The following BEGAIN variants were observed in gnomAD, a reference collection of about 807,000 sequenced individuals.
The protein encoded by BEGAIN is brain-enriched guanylate kinase-associated protein.
Under a neutral mutation model 35.8 loss-of-function variants are expected in BEGAIN, and 19 were observed. The ratio of observed to expected loss-of-function variants is 0.53; its 90% CI spans 0.37 to 0.78. The LOEUF is 0.78. Ranked by LOEUF, BEGAIN falls within the 30% of genes least tolerant of loss-of-function variation. The pLI is 0.00. For missense variants in BEGAIN, 795 were observed against 853.6 expected (o/e 0.93, Z 0.85); for synonymous variants, 462 against 388.6 (o/e 1.19, Z -2.22).
In BEGAIN at chr14:100,539,333, AG is replaced by A; in HGVS notation, c.493-19del. On this transcript the variant is annotated intron_variant, in intron 6 of 6. Transcript: ENST00000554140. ...GAGGGCAGCTGGAACGGGTGCGAGG[AG>A]GGGGACGGCGGGTACAGGGTCACTG... is the stretch of plus-strand genomic sequence containing the variant. The A allele has an allele frequency of 1.3e-6, 2 of 1,534,200 alleles. No homozygotes were observed.
Position 100,540,602 on chromosome 14 carries a change from T to G in BEGAIN, c.409-23A>C, listed in dbSNP as rs757351522. 4 of 1,568,346 alleles carry G rather than the reference T, an allele frequency of 2.6e-6. No homozygotes were observed. The African/African-American group carries it at 5.4e-5, about 21-fold the overall frequency. ...CTCCTAAAAGACAAGAGAAGGCGTT[T>G]GGCGCCATTCACCCCAGCCAAGGCC... On this transcript the variant is annotated intron_variant, in intron 5 of 6. Coordinates refer to ENST00000554140, the MANE Select transcript of BEGAIN (RefSeq NM_001385089.1).
intron 1 of BEGAIN, among the ~76,000 whole-genome samples, chr14:100,582,678 T>C (rs2035346008): frequency 6.6e-6 from 1 of 152,076 alleles, no homozygotes. Context: ...TCCAGGGAGA[T>C]CCCTGGGCAA....
In BEGAIN at chr14:100,560,017, ATC is replaced by A. The variant is rs139912926; in HGVS notation, c.71+7892_71+7893del. Reference sequence around the variant, plus strand: ...CTTTAGTGGTGTCTAGGATCCCCCAATCTCTGCACCAGCCGCGGGGGGCTGAG... The same window carrying A: ...CTTTAGTGGTGTCTAGGATCCCCCAATCTGCACCAGCCGCGGGGGGCTGAG... On this transcript the variant is annotated intron_variant, in intron 2 of 6. Coordinates refer to ENST00000554140, the MANE Select transcript of BEGAIN (RefSeq NM_001385089.1). Among the ~76,000 whole-genome samples, 334 of 152,212 alleles carry A rather than the reference ATC, an allele frequency of 2.2e-3. 9 individuals carry two copies. In the East Asian group the frequency reaches 0.036, roughly 16 times the overall value.
intron 2 of BEGAIN, among the ~76,000 whole-genome samples, chr14:100,553,845 CAAGACAGCCAGAGGGCGCGTCCA>C (rs1262616426): frequency 6.6e-6 from 1 of 152,226 alleles, no homozygotes; most frequent in African/African-American, 2.4e-5. Context: ...GCCCACTCCA[CAAGACAGCCAGAGGGCGCGTCCA>C]AACAGGTGGG....
Position 100,568,155 on chromosome 14 carries a change from C to A in BEGAIN, c.43-216G>T, listed in dbSNP as rs1474858695. On this transcript the variant is annotated intron_variant, in intron 1 of 6. Coordinates refer to ENST00000554140, the MANE Select transcript of BEGAIN (RefSeq NM_001385089.1). The surrounding 1 kb of genome is among the most constrained non-coding windows in gnomAD (Gnocchi z 7.5). ...CGGCCGAGTAACAGGTGAGCCCGCC[C>A]GGGCCGCCGCGCTCCCCGCACCGAG... The A allele has an allele frequency of 1.8e-5, 17 of 930,896 alleles. No homozygotes were observed. Among genetic ancestry groups the A allele is most frequent in the Non-Finnish European group, 2.2e-5 (17 of 776,230 alleles). The allele number at this position is 930,896 out of a possible 1,614,324, so 57.7% of individuals were successfully genotyped here.
rs768145565 is a variant in BEGAIN at position 100,546,677 on chromosome 14, C to A, written c.72-15G>T. ...CCTGCAGCGCGCTGCAACGACATGG[C>A]GGCGGCGGGCCGGGCCGCGGCGCTG... On this transcript the variant is annotated splice_polypyrimidine_tract_variant and intron_variant, in intron 2 of 6. Transcript: ENST00000554140. The A allele has an allele frequency of 1.9e-6, 3 of 1,540,186 alleles. No individual in the cohort carries two copies. Among genetic ancestry groups the A allele is most frequent in the Admixed American group, 1.9e-5 (1 of 52,522 alleles).
At chr14:100,544,368 C>T (rs530080249) in intron 4 of BEGAIN, among the ~76,000 whole-genome samples, 196 of 152,316 alleles carry the variant, frequency 1.3e-3, no homozygotes, top group African/African-American at 4.7e-3. Flanking sequence ...GCCCAGCCCC[C>T]AGGCCTGCCA....
chr14:100,542,614 G>A (rs771250905), intron 5 of BEGAIN, among the ~76,000 whole-genome samples: 1 of 152,240 alleles, frequency 6.6e-6, no homozygotes, highest in African/African-American at 2.4e-5. Context: ...TCTGAATCCT[G>A]TAGCTGGGTT....
At chr14:100,553,056 AG>A (rs1198337960) in intron 2 of BEGAIN, among the ~76,000 whole-genome samples, 1 of 152,162 alleles carries the variant, frequency 6.6e-6, no homozygotes, top group Non-Finnish European at 1.5e-5. Flanking sequence ...CCGTGCCTCC[AG>A]GGCACATCTC....
chr14:100,551,840 G>T (rs2033234321), intron 2 of BEGAIN, among the ~76,000 whole-genome samples: 1 of 152,164 alleles, frequency 6.6e-6, no homozygotes. Context: ...AAGTGGGCGG[G>T]GGTCTGATGC....
chr14:100,538,792 G>T lies in BEGAIN; in HGVS notation c.1016C>A (p.Ala339Glu). 6.3e-7 allele frequency: 1 copy of T among 1,597,418 alleles called. No homozygotes were observed. The highest frequency in any genetic ancestry group is 1.8e-5 in the Admixed American group (1 of 56,912). ...GTTCAGGTAGATGGCCTGCTGCGAC[G>T]CGGTCAGCGTGCTGGCCTGCGCGTG... The part of the protein sequence containing the change: ...KEHAQASTLT[A>E]SQQAIYLNSR... The change falls in exon 7 of 7, where the codon GCG (alanine) becomes GAG (glutamate). Residue 339 changes from alanine (A) to glutamate (E), a missense_variant. Ala to Glu is a moderately radical substitution (Grantham distance 107). Coordinates refer to ENST00000554140, the MANE Select transcript of BEGAIN (RefSeq NM_001385089.1).
chr14:100,565,988 C>T (rs982550909), intron 2 of BEGAIN, among the ~76,000 whole-genome samples: 1 of 152,252 alleles, frequency 6.6e-6, no homozygotes, highest in African/African-American at 2.4e-5. Flanking sequence ...GCACCAAATG[C>T]AGGACAGAAA....
At chr14:100,555,781 C>T (rs551165449) in intron 2 of BEGAIN, among the ~76,000 whole-genome samples, 4 of 152,332 alleles carry the variant, frequency 2.6e-5, no homozygotes, top group South Asian at 2.1e-4. Context: ...ACGGTGGCCC[C>T]GGAGTCCAAC....
Position 100,538,842 on chromosome 14 carries a change from G to A in BEGAIN, c.966C>T (p.Phe322=), listed in dbSNP as rs1024781945. The A allele has an allele frequency of 5.0e-6, 8 of 1,606,246 alleles. No individual in the cohort carries two copies. The African/African-American group carries it at 1.1e-4, about 21-fold the overall frequency. ...GCTCCTTCTCCTCCGACGTGGCGCTGAAGCTGGAGTAGGAGCTGGACGTGG... is the reference window on the plus strand; with the variant it reads ...GCTCCTTCTCCTCCGACGTGGCGCTAAAGCTGGAGTAGGAGCTGGACGTGG... ...SLPTSSSYSS[F]SATSEEKEHA... Residue 322 remains phenylalanine (F), a synonymous_variant, in exon 7 of 7, where the codon TTC becomes TTT. Coordinates refer to ENST00000554140, the MANE Select transcript of BEGAIN (RefSeq NM_001385089.1).
rs2033920119 is a variant in BEGAIN at position 100,558,104 on chromosome 14, C to G, written c.71+9807G>C. ...TTTTCCCTCGCTTCCTGGTCATTCT[C>G]TGGCAGGCAAACTCGTGGTTGCTCT... On this transcript the variant is annotated intron_variant, in intron 2 of 6. Transcript: ENST00000554140. The surrounding 1 kb of genome is among the most constrained non-coding windows in gnomAD (Gnocchi z 4.6). Among the ~76,000 whole-genome samples, 1 of 152,192 alleles carries G rather than the reference C, an allele frequency of 6.6e-6. No individual in the cohort carries two copies. Among genetic ancestry groups the G allele is most frequent in the East Asian group, 1.9e-4 (1 of 5,190 alleles).
intron 5 of BEGAIN, 23 bp from the exon 6 acceptor site, chr14:100,540,602 T>C: frequency 6.4e-7 from 1 of 1,568,464 alleles, no homozygotes; most frequent in Non-Finnish European, 8.7e-7. Flanking sequence ...AGAAGGCGTT[T>C]GGCGCCATTC....
rs573360272 is a variant in BEGAIN, at chr14:100,572,252, A to G, written c.43-4313T>C. Among the ~76,000 whole-genome samples, 3 of 152,292 alleles carry G rather than the reference A, an allele frequency of 2.0e-5. No homozygotes were observed. The East Asian group carries it at 5.8e-4, about 29-fold the overall frequency. ...GTGGGTCAGTCCTGCTGTGGCCCCC[A>G]TAATGGAGCACATAAATCCTCTGCC... On this transcript the variant is annotated intron_variant, in intron 1 of 6. Transcript: ENST00000554140.
Position 100,538,884 on chromosome 14 carries a change from G to C in BEGAIN, c.924C>G (p.Ser308Arg). 6.2e-7 allele frequency: 1 copy of C among 1,607,948 alleles called. No individual in the cohort carries two copies. The highest frequency in any genetic ancestry group is 8.5e-7 in the Non-Finnish European group (1 of 1,178,458). ...TGGACGTGGGCAGTGAGCCTGCGTA[G>C]CTGGGGAAGGCCTCATGCTGGAAGC... is the stretch of plus-strand genomic sequence containing the variant. ...PAGFQHEAFPSYAGSLPTSSS... is the reference protein window; with the variant it reads ...PAGFQHEAFPRYAGSLPTSSS... Residue 308 changes from serine to arginine, a missense_variant, in exon 7 of 7, where the codon AGC becomes AGG. Transcript: ENST00000554140.
chr14:100,539,181 C>G lies in BEGAIN; in HGVS notation c.627G>C (p.Pro209=). 1 of 1,580,716 alleles carries G rather than the reference C, an allele frequency of 6.3e-7. No homozygotes were observed. The highest frequency in any genetic ancestry group is 8.6e-7 in the Non-Finnish European group (1 of 1,160,968). The change falls in exon 7 of 7, where the codon CCG becomes CCC. Residue 209 remains proline, a synonymous_variant. Coordinates refer to ENST00000554140, the MANE Select transcript of BEGAIN (RefSeq NM_001385089.1). ...TCVIAKVLEK[P]DPASLSSRLS... is the part of the protein sequence containing the mutation. ...GGCGGGAGGACAGGCTGGCGGGGTC[C>G]GGCTTCTCCAGCACCTTGGCAATGA...
Sources: allele counts gnomAD v4.1 joint callset (sites outside exome capture counted in the v4.1 genomes callset), GRCh38; gene constraint gnomAD v4.1.1; non-coding constraint Gnocchi (gnomAD v3.1); transcripts MANE v1.5; gene names NCBI Gene and HGNC (gene_info 2026-07-23, HGNC 2026-07-21).